Variants in PTPMT1 observed in about 807,000 individuals in gnomAD.
PTPMT1 encodes protein tyrosine phosphatase mitochondrial 1.
Under a neutral mutation model 17.8 loss-of-function variants are expected in PTPMT1, and 12 were observed. The ratio of observed to expected loss-of-function variants is 0.67; its 90% confidence interval spans 0.43 to 1.09. The LOEUF is 1.09. PTPMT1 is among the 50% of genes least tolerant of loss of function. PTPMT1 has a pLI of 0.00. For synonymous variants in PTPMT1, 132 were observed against 116.8 expected, an observed-to-expected ratio of 1.13 and a Z score of -0.84; for missense variants, 262 against 266.0, an observed-to-expected ratio of 0.99 and a Z score of 0.10.
At position 47,570,037 on chromosome 11, in the gene PTPMT1, A is replaced by T. The variant is rs574329589; in HGVS notation, c.447+146A>T. The T allele has an allele frequency of 3.6e-4, 234 of 641,288 alleles. 2 individuals carry two copies. In the South Asian group the frequency reaches 4.4e-3, roughly 12 times the overall value. The allele number at this position is 641,288 out of a possible 1,614,324, so 39.7% of individuals were successfully genotyped here. ...GCAAAACCGTCTCTACAAAAAATAC[A>T]ACAAGTTAGCTCAGTGTGGTGGTGT... On this transcript the variant is annotated intron_variant, in intron 3 of 3. Transcript: ENST00000326674.
At chr11:47,566,831 C>T (rs1439369486) in intron 2 of PTPMT1, among the ~76,000 whole-genome samples, 1 of 152,124 alleles carries the variant, frequency 6.6e-6, no homozygotes, top group Admixed American at 6.5e-5. Context: ...TATTAGAAAT[C>T]ATGGTGGAAC....
chr11:47,569,823 T>C lies in PTPMT1; in HGVS notation c.379T>C (p.Cys127Arg), dbSNP rs1278417758. Residue 127 changes from cysteine to arginine, a missense_variant, in exon 3 of 4, where the codon TGT (cysteine) becomes CGT (arginine). By Grantham distance (180) the Cys-to-Arg change is radical (BLOSUM62 -3). Coordinates refer to ENST00000326674, the MANE Select transcript of PTPMT1 (RefSeq NM_175732.3). ...TCTCAAGTACCAGTCGCTGGGCCAG[T>C]GTGTTTACGTGCATTGTAAGGCTGG... Reference protein sequence around the residue: ...FALKYQSLGQCVYVHCKAGRS... With the variant: ...FALKYQSLGQRVYVHCKAGRS... 3 of 1,613,862 alleles carry C rather than the reference T, an allele frequency of 1.9e-6. No individual in the cohort carries two copies. Among genetic ancestry groups the C allele is most frequent in the African/African-American group, 2.7e-5 (2 of 74,886 alleles).
chr11:47,568,114 G>A (rs1160644467), intron 2 of PTPMT1, among the ~76,000 whole-genome samples: 2 of 151,610 alleles, frequency 1.3e-5, no homozygotes, highest in Non-Finnish European at 2.9e-5. Context: ...TAGAGACGGG[G>A]TTTCACCGTG....
At chr11:47,570,606 T>TAGTA (rs2097249084) in intron 3 of PTPMT1, among the ~76,000 whole-genome samples, 1 of 152,334 alleles carries the variant, frequency 6.6e-6, no homozygotes, top group African/African-American at 2.4e-5. Flanking sequence ...TTCAGCTTTA[T>TAGTA]AGTACTCAAG....
chr11:47,568,068 T>C (rs985128521), intron 2 of PTPMT1, among the ~76,000 whole-genome samples: 6 of 151,964 alleles, frequency 3.9e-5, no homozygotes, highest in Non-Finnish European at 7.4e-5. Context: ...TACAGGCGCC[T>C]GCCACCATGC....
At chr11:47,566,910 G>A (rs1375517558) in intron 2 of PTPMT1, among the ~76,000 whole-genome samples, 1 of 152,108 alleles carries the variant, frequency 6.6e-6, no homozygotes, top group African/African-American at 2.4e-5. Flanking sequence ...TGGCCTGTTT[G>A]TGGAATCTTC....
At chr11:47,566,303 C>T (rs1429835256) in intron 2 of PTPMT1, among the ~76,000 whole-genome samples, 1 of 151,994 alleles carries the variant, frequency 6.6e-6, no homozygotes, top group Non-Finnish European at 1.5e-5. Flanking sequence ...GGCAACATGG[C>T]GAGGCCCCCG....
At chr11:47,567,084 G>A (rs537416737) in intron 2 of PTPMT1, among the ~76,000 whole-genome samples, 10 of 152,138 alleles carry the variant, frequency 6.6e-5, no homozygotes, top group African/African-American at 1.9e-4. Context: ...TCAACCTGAG[G>A]ATTTTTTTGA....
chr11:47,565,827 C>CCCCGTCCCCGCCGCTCCGTCCCTGT, intron 1 of PTPMT1, 31 bp downstream of exon 1: 6 of 1,591,584 alleles, frequency 3.8e-6, no homozygotes, highest in Non-Finnish European at 5.1e-6. Context: ...CGGGCCCCTG[C>CCCCGTCCCCGCCGCTCCGTCCCTGT]CCCGTCCCCG....
rs778355650 is a variant in PTPMT1, at chr11:47,569,733, C to T, written c.289C>T (p.Leu97Phe). The change falls in exon 3 of 4, where the codon CTC becomes TTC. Residue 97 changes from leucine (L) to phenylalanine (F), a missense_variant. Physicochemically the swap from Leu to Phe is conservative, Grantham distance 22. Coordinates refer to ENST00000326674, the MANE Select transcript of PTPMT1 (RefSeq NM_175732.3). ...WKRLGVEQLR[L>F]STVDMTGIPT... ...GAGACTAGGAGTCGAGCAGCTGCGG[C>T]TCAGCACAGTAGACATGACTGGGAT... The T allele has an allele frequency of 6.2e-7, 1 of 1,613,682 alleles. No homozygotes were observed. The highest frequency in any genetic ancestry group is 1.1e-5 in the South Asian group (1 of 91,040).
Position 47,569,747 on chromosome 11 carries a change from C to A in PTPMT1, c.303C>A (p.Asp101Glu). ...AGCAGCTGCGGCTCAGCACAGTAGA[C>A]ATGACTGGGATCCCCACCTTGGACA... is the stretch of plus-strand genomic sequence containing the variant. ...GVEQLRLSTV[D>E]MTGIPTLDNL... The change falls in exon 3 of 4, where the codon GAC becomes GAA. Residue 101 changes from aspartate (D) to glutamate (E), a missense_variant. By Grantham distance (45) the Asp-to-Glu change is conservative (BLOSUM62 2). Coordinates refer to ENST00000326674, the MANE Select transcript of PTPMT1 (RefSeq NM_175732.3). 2.5e-6 allele frequency: 4 copies of A among 1,614,040 alleles called. No individual in the cohort carries two copies. The highest frequency in any genetic ancestry group is 3.4e-6 in the Non-Finnish European group (4 of 1,179,990).
intron 2 of PTPMT1, among the ~76,000 whole-genome samples, chr11:47,569,203 T>C (rs555370503): frequency 6.6e-6 from 1 of 151,326 alleles, no homozygotes. Context: ...CTGGCCAACA[T>C]GATGAAACCC....
chr11:47,568,365 G>A (rs1043743838), intron 2 of PTPMT1, among the ~76,000 whole-genome samples: 39 of 152,024 alleles, frequency 2.6e-4, no homozygotes, highest in African/African-American at 8.9e-4. Context: ...CACTACACAG[G>A]TGCCAAAATT....
intron 3 of PTPMT1, 136 bp from the exon 4 acceptor site, chr11:47,571,335 A>C: frequency 1.4e-6 from 1 of 692,432 alleles, no homozygotes; most frequent in East Asian, 2.7e-5. Context: ...TACAAGCAGC[A>C]TGATTTTTAA....
At chr11:47,569,942 A>T (rs753962315) in intron 3 of PTPMT1, 51 bp downstream of exon 3, 2 of 1,481,928 alleles carry the variant, frequency 1.3e-6, no homozygotes, top group African/African-American at 2.8e-5. Flanking sequence ...TTATGATCCC[A>T]GCACTTTGGG....
intron 2 of PTPMT1, among the ~76,000 whole-genome samples, chr11:47,567,871 T>TC (rs1189476132): frequency 6.6e-6 from 1 of 152,190 alleles, no homozygotes; most frequent in African/African-American, 2.4e-5. Flanking sequence ...CTATTTCTTC[T>TC]AAGTGATAAC....
At chr11:47,568,369 C>T (rs1354742765) in intron 2 of PTPMT1, among the ~76,000 whole-genome samples, 1 of 151,476 alleles carries the variant, frequency 6.6e-6, no homozygotes, top group African/African-American at 2.4e-5. Flanking sequence ...ACACAGGTGC[C>T]AAAATTATGC....
chr11:47,571,740 A>G lies in PTPMT1; in HGVS notation c.*111A>G, dbSNP rs950084994. ...GACTTGACGTAACAGAAATGTGCCA[A>G]TAGGTAATAGGTAATTTTTCTTTCT... On this transcript the variant is annotated 3_prime_UTR_variant, in exon 4 of 4. Transcript: ENST00000326674. The G allele has an allele frequency of 4.4e-6, 4 of 902,300 alleles. No individual in the cohort carries two copies. Among genetic ancestry groups the G allele is most frequent in the Non-Finnish European group, 6.9e-6 (4 of 580,290 alleles). 55.9% of individuals were successfully genotyped at this position (902,300 alleles called of 1,614,324 possible). A position where few individuals can be genotyped will look rare whatever the true frequency, so the allele number is the denominator to read the frequency against.
At chr11:47,566,933 TAGA>T (rs2097245375) in intron 2 of PTPMT1, among the ~76,000 whole-genome samples, 1 of 152,204 alleles carries the variant, frequency 6.6e-6, no homozygotes, top group African/African-American at 2.4e-5. Context: ...CAATGGTTAT[TAGA>T]AGATGTTATC....
Sources: allele counts gnomAD v4.1 joint callset (sites outside exome capture counted in the v4.1 genomes callset), GRCh38; gene constraint gnomAD v4.1.1; transcripts MANE v1.5; gene names NCBI Gene and HGNC (gene_info 2026-07-23, HGNC 2026-07-21).